The following SCNN1D variants were observed in gnomAD, a reference collection of about 807,000 sequenced individuals.
The protein encoded by SCNN1D is epithelial sodium channel subunit delta.
In SCNN1D, 104 loss-of-function variants were observed where a neutral mutation model predicts 87.8. The observed-to-expected ratio is 1.18, with a 90% CI of 1.01 to 1.39. The LOEUF (loss-of-function observed/expected upper bound fraction) is 1.39. Among genes scored for constraint, SCNN1D ranks in the 40% most tolerant of loss-of-function variants. The pLI is 0.00. For synonymous variants in SCNN1D, 628 were observed against 481.2 expected (o/e 1.31, Z -3.99); for missense variants, 1,324 against 1,093.9 (o/e 1.21, Z -2.97).
intron 1 of SCNN1D, 165 bp from the exon 2 acceptor site, chr1:1,281,061 C>A: frequency 1.4e-6 from 1 of 692,368 alleles, no homozygotes; most frequent in Non-Finnish European, 2.4e-6. Context: ...CCCATGCCCA[C>A]GGGAATCCCG....
chr1:1,286,010 G>A lies in SCNN1D; in HGVS notation c.643G>A (p.Glu215Lys). The A allele has an allele frequency of 1.3e-6, 2 of 1,562,212 alleles. No homozygotes were observed. Among genetic ancestry groups the A allele is most frequent in the South Asian group, 1.2e-5 (1 of 85,830 alleles). ...GGAGGGGCACCAGGAGGGGCTGGTG[G>A]AGCTGCCCGCCTCGTTCCGGGAGCT... is the stretch of plus-strand genomic sequence containing the variant. ...PKEGHQEGLVELPASFRELLT... is the reference protein window; with the variant it reads ...PKEGHQEGLVKLPASFRELLT... Residue 215 changes from glutamate (E) to lysine (K), a missense_variant, in exon 7 of 18, where the codon GAG becomes AAG. Glu to Lys is a moderately conservative substitution (Grantham distance 56). Coordinates refer to ENST00000379116, the MANE Select transcript of SCNN1D (RefSeq NM_001130413.4).
At position 1,285,995 on chromosome 1, in the gene SCNN1D, C is replaced by A; in HGVS notation, c.628C>A (p.Gln210Lys). Residue 210 changes from glutamine (Q) to lysine (K), a missense_variant, in exon 7 of 18, where the codon CAG becomes AAG. Gln to Lys is a moderately conservative substitution (Grantham distance 53). Transcript: ENST00000379116. Reference sequence around the variant, plus strand: ...ACCACCACCACCCAAGGAGGGGCACCAGGAGGGGCTGGTGGAGCTGCCCGC... The same window carrying A: ...ACCACCACCACCCAAGGAGGGGCACAAGGAGGGGCTGGTGGAGCTGCCCGC... ...APPPPPKEGH[Q>K]EGLVELPASF... 1 of 1,560,490 alleles carries A rather than the reference C, an allele frequency of 6.4e-7. No homozygotes were observed. Among genetic ancestry groups the A allele is most frequent in the Non-Finnish European group, 8.7e-7 (1 of 1,151,798 alleles).
intron 7 of SCNN1D, 51 bp downstream of exon 7, chr1:1,286,329 C>T (rs1640590310): frequency 7.1e-7 from 1 of 1,405,630 alleles, no homozygotes; most frequent in Non-Finnish European, 9.6e-7. Context: ...GCTCCTTGCC[C>T]CTGTGACCGT....
intron 4 of SCNN1D, among the ~76,000 whole-genome samples, chr1:1,283,506 C>A (rs1316624464): frequency 6.6e-6 from 1 of 152,114 alleles, no homozygotes. Context: ...TGAGACCAGC[C>A]TGAGCAGCAT....
In SCNN1D at chr1:1,291,059, C is replaced by G. The variant is rs746506835; in HGVS notation, c.1977-6C>G. The G allele has an allele frequency of 6.2e-7, 1 of 1,611,564 alleles. No individual in the cohort carries two copies. Among genetic ancestry groups the G allele is most frequent in the Non-Finnish European group, 8.5e-7 (1 of 1,179,394 alleles). ...CCAGCGCCCTCATGCCTCTATCCTG[C>G]CCCAGGAGCAGCCTGGCCAAAATCA... On this transcript the variant is annotated splice_polypyrimidine_tract_variant and splice_region_variant and intron_variant, in intron 16 of 17. Transcript: ENST00000379116.
chr1:1,281,349 G>A, intron 2 of SCNN1D, 52 bp downstream of exon 2: 1 of 1,534,352 alleles, frequency 6.5e-7, no homozygotes, highest in African/African-American at 1.4e-5. Context: ...TTTCCTGGGA[G>A]AGAGCAGAGG....
In SCNN1D at chr1:1,281,556, C is replaced by T; in HGVS notation, c.223C>T (p.Leu75Phe). 1.3e-6 allele frequency: 2 copies of T among 1,535,796 alleles called. No homozygotes were observed. The highest frequency in any genetic ancestry group is 1.4e-5 in the African/African-American group (1 of 73,170). ...TGGATTCACCAGTGCTGGACATGTGCTCTGTGGCTACCCCCTCTGCCTACT... is the reference window on the plus strand; with the variant it reads ...TGGATTCACCAGTGCTGGACATGTGTTCTGTGGCTACCCCCTCTGCCTACT... ...PCGFTSAGHV[L>F]CGYPLCLLSG... The change falls in exon 3 of 18, where the codon CTC becomes TTC. Residue 75 changes from leucine to phenylalanine, a missense_variant. Leu to Phe is a conservative substitution (Grantham distance 22, BLOSUM62 0). Coordinates refer to ENST00000379116, the MANE Select transcript of SCNN1D (RefSeq NM_001130413.4).
At chr1:1,282,779 G>A (rs1205350018) in intron 4 of SCNN1D, among the ~76,000 whole-genome samples, 1 of 150,618 alleles carries the variant, frequency 6.6e-6, no homozygotes, top group Non-Finnish European at 1.5e-5. Context: ...TTGAGACGGA[G>A]TCTTGCTCTG....
chr1:1,290,618 A>T lies in SCNN1D; in HGVS notation c.1860-19A>T. 1 of 1,612,512 alleles carries T rather than the reference A, an allele frequency of 6.2e-7. No individual in the cohort carries two copies. The highest frequency in any genetic ancestry group is 8.5e-7 in the Non-Finnish European group (1 of 1,179,886). On this transcript the variant is annotated intron_variant, in intron 14 of 17. Coordinates refer to ENST00000379116, the MANE Select transcript of SCNN1D (RefSeq NM_001130413.4). ...TGCCCCAGGTAGCGTGGCAGGTGAC[A>T]CCCGGCTGTCTCTTCCAGGGAGTCT...
intron 12 of SCNN1D, among the ~76,000 whole-genome samples, 191 bp downstream of exon 12, chr1:1,288,228 TCTGCTCCGTCCC>T (rs1640658755): frequency 1.6e-5 from 2 of 127,552 alleles, no homozygotes; most frequent in African/African-American, 5.8e-5. Context: ...GTCCCGTGTC[TCTGCTCCGTCCC>T]GTGTCTCTGC....
chr1:1,290,581 G>T, intron 14 of SCNN1D, 26 bp downstream of exon 14: 2 of 1,612,572 alleles, frequency 1.2e-6, no homozygotes, highest in South Asian at 2.2e-5. Flanking sequence ...TGGGGTCGCG[G>T]CCAGGGATCA....
Position 1,291,240 on chromosome 1 carries a change from C to T in SCNN1D, c.2053-14C>T. On this transcript the variant is annotated splice_polypyrimidine_tract_variant and intron_variant, in intron 17 of 17. Coordinates refer to ENST00000379116, the MANE Select transcript of SCNN1D (RefSeq NM_001130413.4). The stretch of plus-strand genomic sequence containing the variant: ...GGCCTGGGCCCGCCCCTCACACCCG[C>T]ACCCCACCCGCAGGTGCCGCAGCTG... 6.4e-7 allele frequency: 1 copy of T among 1,560,778 alleles called. No homozygotes were observed.
At chr1:1,286,414 T>G (rs1640592767) in intron 7 of SCNN1D, 136 bp downstream of exon 7, 1 of 751,446 alleles carries the variant, frequency 1.3e-6, no homozygotes, top group Non-Finnish European at 2.1e-6. Context: ...TCCTGGTCAC[T>G]GTGACCTCCC....
intron 4 of SCNN1D, 42 bp from the exon 5 acceptor site, chr1:1,283,936 C>A: frequency 1.6e-6 from 2 of 1,243,482 alleles, no homozygotes; most frequent in Non-Finnish European, 2.2e-6. Flanking sequence ...TCCTCCCTCG[C>A]CTGCAGCACA....
At chr1:1,285,187 G>T (rs755845203) in intron 5 of SCNN1D, among the ~76,000 whole-genome samples, 4 of 152,200 alleles carry the variant, frequency 2.6e-5, no homozygotes, top group African/African-American at 9.7e-5. Flanking sequence ...CTTCTGGCTC[G>T]CTCTAGCACC....
rs747425590 is a variant in SCNN1D, at chr1:1,287,095, C to T, written c.1120-14C>T. On this transcript the variant is annotated splice_polypyrimidine_tract_variant and intron_variant, in intron 8 of 17. Coordinates refer to ENST00000379116, the MANE Select transcript of SCNN1D (RefSeq NM_001130413.4). ...GCTGTAGCCACAGAGCTGACCCTCC[C>T]TCCCCTCTCCCAGTGCAACAGCACG... 7 of 1,585,506 alleles carry T rather than the reference C, an allele frequency of 4.4e-6. No individual in the cohort carries two copies. The highest frequency in any genetic ancestry group is 1.7e-5 in the Admixed American group (1 of 58,912).
rs377277792 is a variant in SCNN1D, at chr1:1,287,463, G to A, written c.1311-45G>A. 54 of 1,504,590 alleles carry A rather than the reference G, an allele frequency of 3.6e-5. No homozygotes were observed. The African/African-American group carries it at 4.9e-4, about 14-fold the overall frequency. The allele number at this position is 1,504,590 out of a possible 1,614,324, so 93.2% of individuals were successfully genotyped here. ...GGCCCCTCAGGCCAGCGTGACGGGCGCGGGCAGCCGACATTCAAGGTCTGA... is the reference window on the plus strand; with the variant it reads ...GGCCCCTCAGGCCAGCGTGACGGGCACGGGCAGCCGACATTCAAGGTCTGA... On this transcript the variant is annotated intron_variant, in intron 9 of 17. Transcript: ENST00000379116.
rs74735644 is a variant in SCNN1D at position 1,287,583 on chromosome 1, C to T, written c.1386C>T (p.Pro462=). 0.016 allele frequency: 26,036 copies of T among 1,595,330 alleles called. 274 individuals carry two copies. Among genetic ancestry groups the T allele is most frequent in the South Asian group, 0.02 (1,754 of 89,110 alleles). Residue 462 remains proline, a synonymous_variant, in exon 10 of 18, where the codon CCC becomes CCT. Coordinates refer to ENST00000379116, the MANE Select transcript of SCNN1D (RefSeq NM_001130413.4). ...ATGGCGTCTGGACAGCTCAGCGCCC[C>T]GGCATCACCCACGGTGGGTGCCAGC... ...TVDGVWTAQR[P]GITHGVGLVL... is the part of the protein sequence containing the mutation.
chr1:1,289,959 C>T (rs1640731403), intron 12 of SCNN1D, among the ~76,000 whole-genome samples: 1 of 57,714 alleles, frequency 1.7e-5, no homozygotes, highest in African/African-American at 1.9e-4. Context: ...CGTGTCTCTG[C>T]TCCGTCCCCC....
Sources: allele counts gnomAD v4.1 joint callset (sites outside exome capture counted in the v4.1 genomes callset), GRCh38; gene constraint gnomAD v4.1.1; transcripts MANE v1.5; gene names NCBI Gene and HGNC (gene_info 2026-07-23, HGNC 2026-07-21).